The following KALRN variants were observed in gnomAD, a reference collection of about 807,000 sequenced individuals.
The protein encoded by KALRN is kalirin.
Under a neutral mutation model 353.7 loss-of-function variants are expected in KALRN, and 70 were observed. The ratio of observed to expected loss-of-function variants is 0.20; its 90% CI spans 0.16 to 0.24. The LOEUF (loss-of-function observed/expected upper bound fraction) is 0.24. Ranked by LOEUF, KALRN falls within the 10% of genes least tolerant of loss-of-function variation. The pLI is 1.00. For synonymous variants in KALRN, 1,391 were observed against 1,434.8 expected, an observed-to-expected ratio of 0.97 and a Z score of 0.69; for missense variants, 2,791 against 3,756.7, an observed-to-expected ratio of 0.74 and a Z score of 6.72.
rs747943551 is a variant in KALRN, at chr3:124,717,357, A to G, written c.8387A>G (p.Asn2796Ser). 4.4e-6 allele frequency: 7 copies of G among 1,608,812 alleles called. No homozygotes were observed. The Admixed American group carries it at 8.5e-5, about 20-fold the overall frequency. Residue 2796 changes from asparagine (N) to serine (S), a missense_variant, in exon 59 of 60, where the codon AAC becomes AGC. Asn to Ser is a conservative substitution (Grantham distance 46, BLOSUM62 1). Transcript: ENST00000682506. ...ATGGAGGCTCTGCAGTACCTTCACA[A>G]CTGCAGGGTTGCACATTTGGACATA... ...DIMEALQYLH[N>S]CRVAHLDIKP...
chr3:124,294,355 T>C (rs1363496680), intron 5 of KALRN, among the ~76,000 whole-genome samples: 2 of 151,988 alleles, frequency 1.3e-5, no homozygotes, highest in Admixed American at 6.6e-5. Flanking sequence ...ATCTACACCC[T>C]GGACTTTACT....
chr3:124,128,665 A>G (rs1024915260), intron 1 of KALRN, among the ~76,000 whole-genome samples: 1 of 152,184 alleles, frequency 6.6e-6, no homozygotes, highest in Non-Finnish European at 1.5e-5. Context: ...CTACAGAGCC[A>G]TGAAAAACCT....
At chr3:124,365,635 GT>G (rs2084588462) in intron 10 of KALRN, among the ~76,000 whole-genome samples, 1 of 152,182 alleles carries the variant, frequency 6.6e-6, no homozygotes, top group Admixed American at 6.5e-5. Flanking sequence ...AGTGTTACCT[GT>G]TATCCCTTTC....
At chr3:124,158,813 T>C (rs1318738165) in intron 1 of KALRN, among the ~76,000 whole-genome samples, 1 of 152,194 alleles carries the variant, frequency 6.6e-6, no homozygotes, top group East Asian at 1.9e-4. Context: ...GCTCTGGCTC[T>C]GGAGCCTGTC....
chr3:124,630,356 G>A (rs1471711937), intron 34 of KALRN, among the ~76,000 whole-genome samples: 1 of 151,788 alleles, frequency 6.6e-6, no homozygotes, highest in African/African-American at 2.4e-5. Flanking sequence ...GAACTGGGCG[G>A]GTGTAGACAT....
intron 9 of KALRN, among the ~76,000 whole-genome samples, chr3:124,339,278 T>C (rs1221346894): frequency 6.6e-6 from 1 of 151,980 alleles, no homozygotes; most frequent in Non-Finnish European, 1.5e-5. Flanking sequence ...TAGGGGCAGC[T>C]GAGACTTTGG....
At chr3:124,513,355 T>A (rs2066161989) in intron 33 of KALRN, among the ~76,000 whole-genome samples, 1 of 152,102 alleles carries the variant, frequency 6.6e-6, no homozygotes, top group African/African-American at 2.4e-5. Flanking sequence ...TGTTTCCAGT[T>A]TGGTGTTTAC....
chr3:124,555,710 C>T (rs1284200072), intron 33 of KALRN, among the ~76,000 whole-genome samples: 1 of 152,124 alleles, frequency 6.6e-6, no homozygotes, highest in African/African-American at 2.4e-5. Context: ...CTAGGCATCT[C>T]AGTTATATAT....
At position 124,320,966 on chromosome 3, in the gene KALRN, C is replaced by T. The variant is rs151232352; in HGVS notation, c.1093-5014C>T. 4.5e-4 allele frequency among the ~76,000 whole-genome samples: 68 copies of T among 152,282 alleles called. No individual in the cohort carries two copies. In the East Asian group the frequency reaches 0.011, roughly 24 times the overall value. On this transcript the variant is annotated intron_variant, in intron 6 of 59. Transcript: ENST00000682506. Reference sequence around the variant, plus strand: ...CTCTCTGTGAAAGACAATGAGACTTCGCTTTTTTTGCCTCTTGTTGGAATC... The same window carrying T: ...CTCTCTGTGAAAGACAATGAGACTTTGCTTTTTTTGCCTCTTGTTGGAATC...
chr3:124,141,164 ACT>A, intron 1 of KALRN, among the ~76,000 whole-genome samples: 1 of 151,410 alleles, frequency 6.6e-6, no homozygotes, highest in African/African-American at 2.4e-5. Context: ...CCTAATTCAG[ACT>A]CTCTTCATCC....
rs72147097 is a variant in KALRN at position 124,319,993 on chromosome 3, C to CAATAATAAT, written c.1093-5972_1093-5964dup. On this transcript the variant is annotated intron_variant, in intron 6 of 59. Coordinates refer to ENST00000682506, the MANE Select transcript of KALRN (RefSeq NM_001388419.1). The stretch of plus-strand genomic sequence containing the variant: ...TGGGCAACAGAGTGAGACTCCATCT[C>CAATAATAAT]AATAATAATAATAATAATAATAAGC... Among the ~76,000 whole-genome samples, 37 of 151,088 alleles carry CAATAATAAT rather than the reference C, an allele frequency of 2.4e-4. No individual in the cohort carries two copies. In the East Asian group the frequency reaches 4.5e-3, roughly 18 times the overall value.
chr3:124,478,096 T>G (rs1013358288), intron 27 of KALRN, among the ~76,000 whole-genome samples: 3 of 152,106 alleles, frequency 2.0e-5, no homozygotes, highest in African/African-American at 7.2e-5. Flanking sequence ...GGCTTTACAG[T>G]AAGCAAAATC....
intron 5 of KALRN, among the ~76,000 whole-genome samples, chr3:124,279,860 G>C (rs1386887797): frequency 6.6e-6 from 1 of 152,224 alleles, no homozygotes; most frequent in East Asian, 1.9e-4. Flanking sequence ...GAGCATAGAT[G>C]GAGAAATGTT....
intron 3 of KALRN, 139 bp downstream of exon 3, chr3:124,235,082 A>G (rs1019120016): frequency 4.7e-6 from 3 of 634,356 alleles, no homozygotes; most frequent in Non-Finnish European, 8.4e-6. Flanking sequence ...CTGGAACACC[A>G]TTGTCCATTG....
At chr3:124,666,366 G>A in intron 45 of KALRN, 83 bp from the exon 46 acceptor site, 3 of 1,278,000 alleles carry the variant, frequency 2.3e-6, no homozygotes, top group East Asian at 2.3e-5. Flanking sequence ...CGTATCCCCA[G>A]ATGGGGAGGT....
intron 10 of KALRN, among the ~76,000 whole-genome samples, chr3:124,373,286 C>A (rs947906510): frequency 1.3e-5 from 2 of 152,104 alleles, no homozygotes; most frequent in Non-Finnish European, 2.9e-5. Context: ...TGTCTCCCCC[C>A]GACTTCTACC....
At chr3:124,288,879 G>T (rs1021750755) in intron 5 of KALRN, among the ~76,000 whole-genome samples, 2 of 152,154 alleles carry the variant, frequency 1.3e-5, no homozygotes, top group Non-Finnish European at 2.9e-5. Context: ...GGGAAGGCAG[G>T]AAAAATTAGT....
intron 27 of KALRN, among the ~76,000 whole-genome samples, chr3:124,480,922 G>A (rs72626358): frequency 2.2e-4 from 33 of 152,042 alleles, no homozygotes; most frequent in Non-Finnish European, 4.1e-4. Context: ...TTCATTGTAT[G>A]AATATTCTAC....
At chr3:124,634,098 T>C in intron 36 of KALRN, 145 bp downstream of exon 36, 1 of 654,154 alleles carries the variant, frequency 1.5e-6, no homozygotes, top group Non-Finnish European at 2.6e-6. Flanking sequence ...TGTGTCTCTA[T>C]TTGGTAGGTG....
Sources: allele counts gnomAD v4.1 joint callset (sites outside exome capture counted in the v4.1 genomes callset), GRCh38; gene constraint gnomAD v4.1.1; transcripts MANE v1.5; gene names NCBI Gene and HGNC (gene_info 2026-07-23, HGNC 2026-07-21).